SCARA3: variants seen among roughly 807,000 people sequenced by gnomAD.
SCARA3 encodes cellular stress response gene protein.
In SCARA3, 39 loss-of-function variants were observed where a neutral mutation model predicts 47.0. The observed-to-expected ratio is 0.83, with a 90% CI of 0.64 to 1.08. The LOEUF (loss-of-function observed/expected upper bound fraction) is 1.08. Among genes scored for constraint, SCARA3 ranks in the 50% least tolerant of loss-of-function variants. The probability of loss-of-function intolerance (pLI) is 0.00; values close to 1 mark genes in which losing one functional copy is unlikely to be tolerated. For synonymous variants in SCARA3, 356 were observed against 334.1 expected, an observed-to-expected ratio of 1.07 and a Z score of -0.71; for missense variants, 724 against 792.3, an observed-to-expected ratio of 0.91 and a Z score of 1.04.
At chr8:27,649,331 T>C (rs1801580571) in intron 1 of SCARA3, among the ~76,000 whole-genome samples, 1 of 152,190 alleles carries the variant, frequency 6.6e-6, no homozygotes, top group Non-Finnish European at 1.5e-5. Flanking sequence ...GGAATTCTGC[T>C]TCGGTGACCA....
At chr8:27,654,793 AAAAAAAAAAG>A (rs1801707047) in intron 3 of SCARA3, among the ~76,000 whole-genome samples, 1 of 140,864 alleles carries the variant, frequency 7.1e-6, no homozygotes, top group Non-Finnish European at 1.6e-5. Flanking sequence ...GTCTCACAAA[AAAAAAAAAAG>A]AAAAAGAAAA....
the SCARA3 span, among the ~76,000 whole-genome samples, chr8:27,728,637 G>A: frequency 1.3e-5 from 2 of 152,242 alleles, no homozygotes; most frequent in Non-Finnish European, 2.9e-5. Context: ...GAACCAGGAG[G>A]TGAGCTGAAG....
In SCARA3 at chr8:27,660,860, A is replaced by T. The variant is rs531462104; in HGVS notation, c.1369+1321A>T. On this transcript the variant is annotated intron_variant, in intron 5 of 5. Transcript: ENST00000301904. ...TAGCTAGCTAGATAGATAGATAGAT[A>T]GATAGATAGATAGATAGATAGATAA... 7.2e-3 allele frequency among the ~76,000 whole-genome samples: 1,095 copies of T among 152,072 alleles called. 9 individuals are homozygous for T. The highest frequency in any genetic ancestry group is 0.01 in the Middle Eastern group (3 of 292).
chr8:27,642,375 C>T (rs879431427), intron 1 of SCARA3, among the ~76,000 whole-genome samples: 17 of 152,290 alleles, frequency 1.1e-4, no homozygotes, highest in African/African-American at 3.8e-4. Context: ...TTTTCATATA[C>T]GTCTCATTGG....
chr8:27,710,205 G>A, the SCARA3 span, among the ~76,000 whole-genome samples: 1 of 147,376 alleles, frequency 6.8e-6, no homozygotes, highest in African/African-American at 2.5e-5. Context: ...ACTCCAGCCT[G>A]GGCGACAGAG....
chr8:27,665,127 T>C (rs1218387290), intron 5 of SCARA3, among the ~76,000 whole-genome samples: 1 of 152,134 alleles, frequency 6.6e-6, no homozygotes, highest in East Asian at 1.9e-4. Context: ...GCTGGAGCCA[T>C]GTGGAAGGTG....
At chr8:27,675,774 A>G (rs1221874784), downstream of SCARA3, among the ~76,000 whole-genome samples, 2 of 152,142 alleles carry the variant, frequency 1.3e-5, no homozygotes, top group Admixed American at 6.5e-5. Context: ...TGGGTGACAC[A>G]GTGAGACTCC....
rs1307052101 is a variant in SCARA3, at chr8:27,671,163, CCCCCAGGGCCAGAAGGGCCCCCGGGGT to C, written c.1635_1661del (p.Glu549_Pro557del). 6.5e-7 allele frequency: 1 copy of C among 1,531,286 alleles called. No homozygotes were observed. The highest frequency in any genetic ancestry group is 1.2e-5 in the South Asian group (1 of 81,242). 94.9% of individuals were successfully genotyped at this position (1,531,286 alleles called of 1,614,324 possible). A position where few individuals can be genotyped will look rare whatever the true frequency, so the allele number is the denominator to read the frequency against. ...GCCAGGCCCAAAAGGGGACATAGGG[CCCCCAGGGCCAGAAGGGCCCCCGGGGT>C]CTCCAGGGCCCTCAGGGCCTCAGGG... On this transcript the variant is annotated inframe_deletion, in exon 6 of 6. Transcript: ENST00000301904.
chr8:27,645,263 C>T (rs1801469100), intron 1 of SCARA3, among the ~76,000 whole-genome samples: 1 of 152,202 alleles, frequency 6.6e-6, no homozygotes, highest in Admixed American at 6.5e-5. Flanking sequence ...ACATGAGCTC[C>T]TGATTAAAAT....
In SCARA3 at chr8:27,659,527, A is replaced by G; in HGVS notation, c.1357A>G (p.Thr453Ala). 1 of 1,607,148 alleles carries G rather than the reference A, an allele frequency of 6.2e-7. No homozygotes were observed. The highest frequency in any genetic ancestry group is 8.5e-7 in the Non-Finnish European group (1 of 1,175,568). ...TQHGEILRNV[T>A]ILRGAPGPPG... is the part of the protein sequence containing the mutation. ...GCATGGAGAAATCCTTCGCAATGTC[A>G]CCATCCTACGAGGTAAGAGCTGGGT... The change falls in exon 5 of 6, where the codon ACC (threonine) becomes GCC (alanine). Residue 453 changes from threonine to alanine, a missense_variant. By Grantham distance (58) the Thr-to-Ala change is moderately conservative. Transcript: ENST00000301904.
At chr8:27,652,537 T>G (rs1396503605) in intron 3 of SCARA3, among the ~76,000 whole-genome samples, 1 of 152,210 alleles carries the variant, frequency 6.6e-6, no homozygotes, top group Non-Finnish European at 1.5e-5. Flanking sequence ...ACCCTGAGCC[T>G]GAGCACATCC....
the SCARA3 span, among the ~76,000 whole-genome samples, chr8:27,724,587 G>A: frequency 6.6e-6 from 1 of 152,176 alleles, no homozygotes; most frequent in Non-Finnish European, 1.5e-5. Flanking sequence ...GAACCCGGGA[G>A]GCAGAGGTTG....
At chr8:27,697,922 C>T in the SCARA3 span, among the ~76,000 whole-genome samples, 1 of 152,180 alleles carries the variant, frequency 6.6e-6, no homozygotes, top group South Asian at 2.1e-4. Flanking sequence ...AATTACCCGT[C>T]TTGGGTATGT....
downstream of SCARA3, among the ~76,000 whole-genome samples, chr8:27,678,038 G>A (rs1320344951): frequency 2.6e-5 from 4 of 152,238 alleles, no homozygotes; most frequent in South Asian, 2.1e-4. Context: ...GTGTGATACC[G>A]CTAAAGCAGT....
chr8:27,682,030 T>G, the SCARA3 span, among the ~76,000 whole-genome samples: 1 of 152,182 alleles, frequency 6.6e-6, no homozygotes, highest in Non-Finnish European at 1.5e-5. Flanking sequence ...GGACTTACAT[T>G]GCTTGTTACT....
the SCARA3 span, among the ~76,000 whole-genome samples, chr8:27,731,153 G>A: frequency 2.0e-5 from 3 of 149,816 alleles, no homozygotes; most frequent in East Asian, 2.0e-4. Context: ...AGGCTGGAGT[G>A]CAGTGGTGCT....
chr8:27,686,023 C>T, the SCARA3 span, among the ~76,000 whole-genome samples: 1 of 152,194 alleles, frequency 6.6e-6, no homozygotes, highest in Non-Finnish European at 1.5e-5. Flanking sequence ...TGAAGAGATA[C>T]ATCAACCAAA....
intron 5 of SCARA3, among the ~76,000 whole-genome samples, chr8:27,661,533 A>G (rs1425630177): frequency 6.6e-6 from 1 of 152,200 alleles, no homozygotes; most frequent in Non-Finnish European, 1.5e-5. Context: ...CTATACACAC[A>G]CACAGATATA....
At chr8:27,720,960 C>G in the SCARA3 span, among the ~76,000 whole-genome samples, 1 of 152,160 alleles carries the variant, frequency 6.6e-6, no homozygotes, top group South Asian at 2.1e-4. Flanking sequence ...ACCTATTTAT[C>G]CATCCATCCA....
Sources: gnomAD v4.1 joint callset for allele counts (sites outside exome capture counted in the v4.1 genomes callset) on GRCh38, gnomAD v4.1.1 for gene constraint, MANE v1.5 for transcripts, NCBI Gene and HGNC (gene_info 2026-07-23, HGNC 2026-07-21) for gene names.